TUBA3E: variants seen among roughly 807,000 people sequenced by gnomAD.
TUBA3E encodes the protein tubulin alpha 3e.
TUBA3E carries 21 observed loss-of-function variants against 36.7 expected under a neutral mutation model. The ratio of observed to expected loss-of-function variants is 0.57; its 90% CI spans 0.41 to 0.83. TUBA3E has a LOEUF of 0.83. Ranked by LOEUF, TUBA3E falls within the 40% of genes least tolerant of loss-of-function variation. The pLI is 0.00. For synonymous variants in TUBA3E, 177 were observed against 241.9 expected, an observed-to-expected ratio of 0.73 and a Z score of 2.49; for missense variants, 469 against 604.2, an observed-to-expected ratio of 0.78 and a Z score of 2.35.
intron 1 of TUBA3E, 121 bp from the exon 2 acceptor site, chr2:130,196,492 G>A (rs914548839): frequency 8.7e-6 from 12 of 1,386,618 alleles, no homozygotes; most frequent in African/African-American, 1.5e-5. Flanking sequence ...TTTCACAATC[G>A]ATATTTCCTA....
At chr2:130,193,173 A>G (rs1423976575) in intron 4 of TUBA3E, among the ~76,000 whole-genome samples, 1 of 150,648 alleles carries the variant, frequency 6.6e-6, no homozygotes, top group Non-Finnish European at 1.5e-5. Context: ...GAGAATCGCT[A>G]GAGTCTGGGA....
Position 130,194,108 on chromosome 2 carries a change from T to C in TUBA3E, c.734A>G (p.Asp245Gly). 2 of 1,614,120 alleles carry C rather than the reference T, an allele frequency of 1.2e-6. No homozygotes were observed. Among genetic ancestry groups the C allele is most frequent in the Middle Eastern group, 1.7e-4 (1 of 6,044 alleles). The change falls in exon 4 of 5, where the codon GAT (aspartate) becomes GGT (glycine). Residue 245 changes from aspartate (D) to glycine (G), a missense_variant. Physicochemically the swap from Asp to Gly is moderately conservative, Grantham distance 94. Around this residue, in one of 3 missense-constraint regions of TUBA3E, gnomAD observed 296 missense variants for 346.9 expected, o/e 0.85. Coordinates refer to ENST00000312988, the MANE Select transcript of TUBA3E (RefSeq NM_207312.3). ...CGTCAAGTCCACATTCAGGGCCCCA[T>C]CAAATCGCAGGGAGGCCGTGATGGA... Reference protein sequence around the residue: ...VSSITASLRFDGALNVDLTEF... With the variant: ...VSSITASLRFGGALNVDLTEF...
Position 130,194,395 on chromosome 2 carries a change from G to A in TUBA3E, c.447C>T (p.Phe149=), listed in dbSNP as rs150561621. Reference sequence around the variant, plus strand: ...AGAGCCGCTCCATGAGCAGAGATGCGAACCCAGAGCCAGTGCCGCCCCCAA... The same window carrying A: ...AGAGCCGCTCCATGAGCAGAGATGCAAACCCAGAGCCAGTGCCGCCCCCAA... ...HSFGGGTGSG[F]ASLLMERLSV... Residue 149 remains phenylalanine (F), a synonymous_variant, in exon 4 of 5, where the codon TTC becomes TTT. Transcript: ENST00000312988. The A allele has an allele frequency of 5.0e-5, 81 of 1,612,600 alleles. No individual in the cohort carries two copies. The highest frequency in any genetic ancestry group is 2.8e-4 in the African/African-American group (21 of 74,850).
chr2:130,193,228 A>C (rs1200227820), intron 4 of TUBA3E, among the ~76,000 whole-genome samples: 3 of 151,504 alleles, frequency 2.0e-5, no homozygotes. Context: ...ACAGCCTGAG[A>C]GACAAAGCGA....
rs752530919 is a variant in TUBA3E at position 130,191,920 on chromosome 2, G to T, written c.1264C>A (p.Arg422Ser). ...TTCTCTAGAGCTGCCAGGTCCTCGCGGGCCTCAGAGAACTCTCCCTCTTCC... is the reference window on the plus strand; with the variant it reads ...TTCTCTAGAGCTGCCAGGTCCTCGCTGGCCTCAGAGAACTCTCCCTCTTCC... Reference protein sequence around the residue: ...GMEEGEFSEAREDLAALEKDC... With the variant: ...GMEEGEFSEASEDLAALEKDC... The change falls in exon 5 of 5, where the codon CGC becomes AGC. Residue 422 changes from arginine to serine, a missense_variant. By Grantham distance (110) the Arg-to-Ser change is moderately radical. Around this residue, in one of 3 missense-constraint regions of TUBA3E, gnomAD observed 296 missense variants for 346.9 expected, o/e 0.85. Transcript: ENST00000312988. 34 of 1,613,840 alleles carry T rather than the reference G, an allele frequency of 2.1e-5. No homozygotes were observed. Among genetic ancestry groups the T allele is most frequent in the Non-Finnish European group, 2.5e-5 (30 of 1,180,004 alleles).
In TUBA3E at chr2:130,196,370, C is replaced by T. The variant is rs530211699; in HGVS notation, c.5G>A (p.Arg2His). The T allele has an allele frequency of 1.0e-4, 162 of 1,611,720 alleles. No homozygotes were observed. The highest frequency in any genetic ancestry group is 9.2e-5 in the Non-Finnish European group (108 of 1,178,014). M[R>H]ECISIHVGQA... ...CCCCACGTGGATAGAGATACACTCG[C>T]GCTGTGAACCGGAACATAAATGTGA... The change falls in exon 2 of 5, where the codon CGC (arginine) becomes CAC (histidine). Residue 2 changes from arginine to histidine, a missense_variant and splice_region_variant. Transcript: ENST00000312988.
intron 2 of TUBA3E, among the ~76,000 whole-genome samples, chr2:130,195,519 T>C (rs1384009942): frequency 1.3e-5 from 2 of 152,264 alleles, no homozygotes; most frequent in South Asian, 2.1e-4. Context: ...TACATAATTC[T>C]TTCCTACGTG....
At position 130,193,935 on chromosome 2, in the gene TUBA3E, C is replaced by A; in HGVS notation, c.907G>T (p.Val303Phe). Residue 303 changes from valine (V) to phenylalanine (F), a missense_variant, in exon 4 of 5, where the codon GTC (valine) becomes TTC (phenylalanine). Coordinates refer to ENST00000312988, the MANE Select transcript of TUBA3E (RefSeq NM_207312.3). ...TTGCCATGGCGAGGGTCACACTTGA[C>A]CATCTGATTGGCTGGCTCGAAGCAG... ...NACFEPANQMVKCDPRHGKYM... is the reference protein window; with the variant it reads ...NACFEPANQMFKCDPRHGKYM... 1 of 1,614,236 alleles carries A rather than the reference C, an allele frequency of 6.2e-7. No individual in the cohort carries two copies. The highest frequency in any genetic ancestry group is 8.5e-7 in the Non-Finnish European group (1 of 1,180,048).
rs13000249 is a variant in TUBA3E at position 130,194,181 on chromosome 2, G to A, written c.661C>T (p.Arg221Cys). The A allele has an allele frequency of 3.7e-6, 6 of 1,608,942 alleles. No individual in the cohort carries two copies. The highest frequency in any genetic ancestry group is 5.1e-6 in the Non-Finnish European group (6 of 1,178,416). The part of the protein sequence containing the change: ...DICRRNLDIE[R>C]PTYTNLNRLI... ...CGATTGAGGTTGGTGTACGTGGGAC[G>A]TTCAATGTCCAGGTTGCGCCGACAT... Residue 221 changes from arginine (R) to cysteine (C), a missense_variant, in exon 4 of 5, where the codon CGT becomes TGT. Physicochemically the swap from Arg to Cys is radical, Grantham distance 180 (BLOSUM62 -3). This residue lies in a region of TUBA3E where 296 missense variants were observed against 346.9 expected (regional missense o/e 0.85). Coordinates refer to ENST00000312988, the MANE Select transcript of TUBA3E (RefSeq NM_207312.3).
At chr2:130,197,879 A>G (rs1461842750) in intron 1 of TUBA3E, among the ~76,000 whole-genome samples, 1 of 125,406 alleles carries the variant, frequency 8.0e-6, no homozygotes, top group East Asian at 2.6e-4. Context: ...AAGGGCTGGG[A>G]TTCCAGGCGT....
Position 130,195,246 on chromosome 2 carries a change from G to A in TUBA3E, c.227-19C>T, listed in dbSNP as rs1690376731. On this transcript the variant is annotated intron_variant, in intron 2 of 4. Coordinates refer to ENST00000312988, the MANE Select transcript of TUBA3E (RefSeq NM_207312.3). Reference sequence around the variant, plus strand: ...ACTTCATCTGCAAAAGAGACAGTGTGTACTGTGAATTTTTAAGGCCTGTAC... The same window carrying A: ...ACTTCATCTGCAAAAGAGACAGTGTATACTGTGAATTTTTAAGGCCTGTAC... The A allele has an allele frequency of 1.9e-6, 3 of 1,612,802 alleles. No homozygotes were observed. The South Asian group carries it at 3.3e-5, about 18-fold the overall frequency.
At chr2:130,192,507 C>G (rs1423154842) in intron 4 of TUBA3E, among the ~76,000 whole-genome samples, 1 of 152,238 alleles carries the variant, frequency 6.6e-6, no homozygotes, top group African/African-American at 2.4e-5. Flanking sequence ...GAGTACACAA[C>G]TCTTGCCCAT....
intron 4 of TUBA3E, among the ~76,000 whole-genome samples, chr2:130,193,200 A>C (rs1690311371): frequency 6.6e-6 from 1 of 151,936 alleles, no homozygotes; most frequent in African/African-American, 2.4e-5. Context: ...GGTTGCAGTG[A>C]GCCAGGATCA....
Position 130,194,121 on chromosome 2 carries a change from AG to A in TUBA3E, c.720del (p.Ser241ProfsTer8), listed in dbSNP as rs1690344133. 6.2e-7 allele frequency: 1 copy of A among 1,614,026 alleles called. No individual in the cohort carries two copies. Among genetic ancestry groups the A allele is most frequent in the African/African-American group, 1.3e-5 (1 of 74,946 alleles). Reference protein sequence around the residue: ...LIGQIVSSITASLRFDGALNV... With the variant: ...LIGQIVSSITXSLRFDGALNV... Reference sequence around the variant, plus strand: ...TTCAGGGCCCCATCAAATCGCAGGGAGGCCGTGATGGAGGACACGATCTGCC... The same window carrying A: ...TTCAGGGCCCCATCAAATCGCAGGGAGCCGTGATGGAGGACACGATCTGCC... On this transcript the variant is annotated frameshift_variant, in exon 4 of 5. Transcript: ENST00000312988. LOFTEE classifies it high-confidence loss of function.
intron 1 of TUBA3E, 62 bp downstream of exon 1, chr2:130,198,296 T>C: frequency 7.4e-7 from 1 of 1,347,214 alleles, no homozygotes; most frequent in Non-Finnish European, 1.0e-6. Flanking sequence ...CGTCCCTCTG[T>C]CCACCCGAGG....
rs62165072 is a variant in TUBA3E at position 130,193,525 on chromosome 2, C to G, written c.1056+261G>C. On this transcript the variant is annotated intron_variant, in intron 4 of 4. Transcript: ENST00000312988. The stretch of plus-strand genomic sequence containing the variant: ...TTGGGAGGGTGAGGCCAGAGAATTG[C>G]TTGAACCCGGGAGGCAGAGGTTGCA... 3.4e-3 allele frequency among the ~76,000 whole-genome samples: 515 copies of G among 149,938 alleles called. 19 individuals carry two copies. In the East Asian group the frequency reaches 0.086, roughly 25 times the overall value.
At position 130,196,149 on chromosome 2, in the gene TUBA3E, C is replaced by A. The variant is rs771655953; in HGVS notation, c.226G>T (p.Asp76Tyr). The change falls in exon 2 of 5, where the codon GAT becomes TAT. Residue 76 changes from aspartate to tyrosine, a missense_variant and splice_region_variant. Asp to Tyr is a radical substitution (Grantham distance 160). Transcript: ENST00000312988. Reference protein sequence around the residue: ...VFVDLEPTVVDEVRTGTYRQL... With the variant: ...VFVDLEPTVVYEVRTGTYRQL... ...TGCCATCCAGTGCCCAGGCACCTAC[C>A]GACCACAGTGGGCTCCAGGTCCACA... The A allele has an allele frequency of 8.7e-6, 14 of 1,611,620 alleles. No homozygotes were observed. The South Asian group carries it at 1.5e-4, about 18-fold the overall frequency.
rs1413783892 is a variant in TUBA3E, at chr2:130,193,852, C to T, written c.990G>A (p.Ala330=). The T allele has an allele frequency of 7.4e-6, 12 of 1,614,006 alleles. No individual in the cohort carries two copies. The highest frequency in any genetic ancestry group is 1.1e-5 in the South Asian group (1 of 91,084). ...GCTTGGTCTTGATGGTGGCGATGGCCGCATTGACGTCTTTGGGGACCACGT... is the reference window on the plus strand; with the variant it reads ...GCTTGGTCTTGATGGTGGCGATGGCTGCATTGACGTCTTTGGGGACCACGT... ...RGDVVPKDVN[A]AIATIKTKRT... is the part of the protein sequence containing the mutation. The change falls in exon 4 of 5, where the codon GCG becomes GCA. Residue 330 remains alanine, a synonymous_variant. Transcript: ENST00000312988.
At position 130,194,442 on chromosome 2, in the gene TUBA3E, C is replaced by A; in HGVS notation, c.400G>T (p.Gly134Cys). The change falls in exon 4 of 5, where the codon GGC becomes TGC. Residue 134 changes from glycine to cysteine, a missense_variant. Gly to Cys is a radical substitution (Grantham distance 159). This residue lies in a region of TUBA3E where 169 missense variants were observed against 239.0 expected (regional missense o/e 0.71). Coordinates refer to ENST00000312988, the MANE Select transcript of TUBA3E (RefSeq NM_207312.3). ...CCAAAGCTGTGGAAGATGAGGAAGC[C>A]CTGCAGTCCTGTGCACAGATCCGCC... is the stretch of plus-strand genomic sequence containing the variant. ...KLADLCTGLQ[G>C]FLIFHSFGGG... 1 of 1,587,762 alleles carries A rather than the reference C, an allele frequency of 6.3e-7. No homozygotes were observed. The highest frequency in any genetic ancestry group is 8.6e-7 in the Non-Finnish European group (1 of 1,167,728).
Sources: allele counts gnomAD v4.1 joint callset (sites outside exome capture counted in the v4.1 genomes callset), GRCh38; gene constraint gnomAD v4.1.1; regional missense constraint gnomAD v4.1.1; transcripts MANE v1.5; gene names NCBI Gene and HGNC (gene_info 2026-07-23, HGNC 2026-07-21).